The following FAM53A variants were observed in gnomAD, a reference collection of about 807,000 sequenced individuals.
FAM53A encodes the protein family with sequence similarity 53 member A.
In FAM53A, 28 loss-of-function variants were observed where a neutral mutation model predicts 26.6. The ratio of observed to expected loss-of-function variants is 1.05; its 90% CI spans 0.78 to 1.45. The LOEUF (loss-of-function observed/expected upper bound fraction) is 1.45. Ranked by LOEUF, FAM53A falls within the 40% of genes most tolerant of loss-of-function variation. The pLI is 0.00. For synonymous variants in FAM53A, 290 were observed against 253.1 expected, an observed-to-expected ratio of 1.15 and a Z score of -1.38; for missense variants, 650 against 575.8, an observed-to-expected ratio of 1.13 and a Z score of -1.32.
At chr4:1,620,929 C>T (rs962547195) in intron 1 of FAM53A, among the ~76,000 whole-genome samples, 3 of 152,050 alleles carry the variant, frequency 2.0e-5, no homozygotes. Context: ...CATACGTAGG[C>T]AACCTCTGGC....
At chr4:1,576,703 C>T in the FAM53A span, among the ~76,000 whole-genome samples, 51 of 152,336 alleles carry the variant, frequency 3.3e-4, no homozygotes, top group East Asian at 9.6e-4. Context: ...GCCGCAGGGG[C>T]GACTGGGACT....
intron 1 of FAM53A, among the ~76,000 whole-genome samples, chr4:1,676,927 T>C (rs2109050188): frequency 6.6e-6 from 1 of 152,330 alleles, no homozygotes; most frequent in African/African-American, 2.4e-5. Context: ...AGTTTCTGCC[T>C]AGTATAAACT....
upstream of FAM53A, among the ~76,000 whole-genome samples, chr4:1,684,561 C>G (rs976904085): frequency 1.3e-5 from 2 of 151,824 alleles, no homozygotes; most frequent in Middle Eastern, 3.4e-3. Flanking sequence ...TGCGCGCGTG[C>G]GTGCCTGGCA....
At chr4:1,658,072 G>A (rs1224101922) in intron 2 of FAM53A, among the ~76,000 whole-genome samples, 1 of 151,242 alleles carries the variant, frequency 6.6e-6, no homozygotes, top group Non-Finnish European at 1.5e-5. Flanking sequence ...GTGCAGTGGT[G>A]CTATCTCTGC....
chr4:1,589,739 A>C, the FAM53A span, among the ~76,000 whole-genome samples: 1 of 151,814 alleles, frequency 6.6e-6, no homozygotes, highest in Non-Finnish European at 1.5e-5. Flanking sequence ...TTTTCCCTTC[A>C]TTATTTTTGC....
At chr4:1,648,520 C>T (rs1013052545) in intron 4 of FAM53A, among the ~76,000 whole-genome samples, 1 of 152,098 alleles carries the variant, frequency 6.6e-6, no homozygotes, top group Non-Finnish European at 1.5e-5. Flanking sequence ...GCAGACGTGG[C>T]CCCTGAAGAC....
chr4:1,583,608 C>A, the FAM53A span, among the ~76,000 whole-genome samples: 3 of 152,258 alleles, frequency 2.0e-5, no homozygotes, highest in Non-Finnish European at 4.4e-5. Flanking sequence ...CCCAGTCCTG[C>A]AGCTCCCAGC....
rs536980094 is a variant in FAM53A, at chr4:1,623,941, G to A, written c.432-5830C>T. Among the ~76,000 whole-genome samples, 53 of 152,226 alleles carry A rather than the reference G, an allele frequency of 3.5e-4. 1 individual carries two copies. Among genetic ancestry groups the A allele is most frequent in the African/African-American group, 1.1e-3 (46 of 41,546 alleles). On this transcript the variant is annotated intron_variant, in intron 1 of 1. Coordinates refer to the FAM53A transcript ENST00000489029. ...GGCACAGCCCCCAGGCCAGGAGATGGGGCCAAGCCTCCCCCGGGACCCTGG... is the reference window on the plus strand; with the variant it reads ...GGCACAGCCCCCAGGCCAGGAGATGAGGCCAAGCCTCCCCCGGGACCCTGG...
At chr4:1,586,191 T>G in the FAM53A span, among the ~76,000 whole-genome samples, 11 of 152,086 alleles carry the variant, frequency 7.2e-5, no homozygotes, top group Non-Finnish European at 1.6e-4. Context: ...TTGGTGAGAC[T>G]GATTTTTTTT....
At chr4:1,575,646 A>G in the FAM53A span, among the ~76,000 whole-genome samples, 1 of 152,030 alleles carries the variant, frequency 6.6e-6, no homozygotes, top group Non-Finnish European at 1.5e-5. Flanking sequence ...GGTCTCCATG[A>G]TACTGAGTGG....
chr4:1,657,279 G>A (rs916592683), intron 3 of FAM53A, 129 bp downstream of exon 3: 2 of 821,968 alleles, frequency 2.4e-6, no homozygotes, highest in Middle Eastern at 3.3e-4. Flanking sequence ...ACGCCCCAGT[G>A]CAGGGCACAC....
At chr4:1,591,186 T>G in the FAM53A span, among the ~76,000 whole-genome samples, 1 of 151,938 alleles carries the variant, frequency 6.6e-6, no homozygotes, top group East Asian at 1.9e-4. Context: ...AATCTTTCTG[T>G]GCCCTTTCTC....
chr4:1,611,648 G>A, the FAM53A span, among the ~76,000 whole-genome samples: 1 of 152,244 alleles, frequency 6.6e-6, no homozygotes, highest in East Asian at 1.9e-4. Context: ...GCCAGCAGCA[G>A]AGGCGCCTCC....
the FAM53A span, among the ~76,000 whole-genome samples, chr4:1,607,895 A>G: frequency 1.0e-3 from 157 of 150,356 alleles, 1 homozygote; most frequent in African/African-American, 3.8e-3. Flanking sequence ...AGCCGAGATC[A>G]CGCCACTGCA....
In FAM53A at chr4:1,668,696, C is replaced by T. The variant is rs1302039192; in HGVS notation, c.46G>A (p.Asp16Asn). Residue 16 changes from aspartate to asparagine, a missense_variant, in exon 2 of 5, where the codon GAC (aspartate) becomes AAC (asparagine). By Grantham distance (23) the Asp-to-Asn change is conservative (BLOSUM62 1). Coordinates refer to ENST00000308132, the MANE Select transcript of FAM53A (RefSeq NM_001174070.3). ...CCAGCCTCCGCCTTGCAGGTGAGGT[C>T]GTCCAGGCTCTGGCTCTGCAGCTTC... ...TEKLQSQSLD[D>N]LTCKAEAGPL... The T allele has an allele frequency of 2.5e-6, 4 of 1,614,174 alleles. No homozygotes were observed. Among genetic ancestry groups the T allele is most frequent in the Admixed American group, 3.3e-5 (2 of 60,032 alleles).
Position 1,674,000 on chromosome 4 carries a change from C to T in FAM53A, c.-164-5095G>A, listed in dbSNP as rs550644834. The stretch of plus-strand genomic sequence containing the variant: ...AGGAAGGCGTTAGTCAGGTCATCAC[C>T]GACACGTGTGTTGGCTTCCAAGATG... On this transcript the variant is annotated intron_variant, in intron 1 of 4. Coordinates refer to ENST00000308132, the MANE Select transcript of FAM53A (RefSeq NM_001174070.3). Among the ~76,000 whole-genome samples the T allele has an allele frequency of 1.1e-4, 16 of 152,330 alleles. No homozygotes were observed. The South Asian group carries it at 2.5e-3, about 24-fold the overall frequency.
chr4:1,623,092 C>T (rs563969457), intron 1 of FAM53A, among the ~76,000 whole-genome samples: 24 of 152,360 alleles, frequency 1.6e-4, no homozygotes, highest in Admixed American at 3.9e-4. Flanking sequence ...CCCACTGTGG[C>T]CACCAGCCCG....
chr4:1,605,465 A>G, the FAM53A span, among the ~76,000 whole-genome samples: 1 of 152,090 alleles, frequency 6.6e-6, no homozygotes, highest in African/African-American at 2.4e-5. The surrounding 1 kb of genome is among the most constrained non-coding windows in gnomAD (Gnocchi z 5.7). Context: ...CTGGGCGTGG[A>G]GCCTGACTCG....
At position 1,669,124 on chromosome 4, in the gene FAM53A, C is replaced by A. The variant is rs866642983; in HGVS notation, c.-164-219G>T. ...AAAGACACACATTAGACCCACCCGC[C>A]CCGGAAGCCTCAACTGAAAGAAGAA... is the stretch of plus-strand genomic sequence containing the variant. On this transcript the variant is annotated intron_variant, in intron 1 of 4. Transcript: ENST00000308132. Among the ~76,000 whole-genome samples the A allele has an allele frequency of 2.3e-4, 35 of 152,258 alleles. No homozygotes were observed. The South Asian group carries it at 2.9e-3, about 13-fold the overall frequency.
Sources: gnomAD v4.1 joint callset for allele counts (sites outside exome capture counted in the v4.1 genomes callset) on GRCh38, gnomAD v4.1.1 for gene constraint, Gnocchi (gnomAD v3.1) non-coding constraint, MANE v1.5 for transcripts, NCBI Gene and HGNC (gene_info 2026-07-23, HGNC 2026-07-21) for gene names.